Variants in UACA observed in about 807,000 individuals in gnomAD.
UACA encodes uveal autoantigen with coiled-coil domains and ankyrin repeats, also known as nuclear membrane binding protein.
UACA carries 112 observed loss-of-function variants against 160.5 expected under a neutral mutation model. That is an observed-to-expected ratio of 0.70 (90% confidence interval 0.60 to 0.82). UACA has a LOEUF of 0.82. UACA is among the 40% of genes least tolerant of loss of function. The pLI is 0.00. For missense variants in UACA, 1,574 were observed against 1,614.6 expected, an observed-to-expected ratio of 0.97 and a Z score of 0.43; for synonymous variants, 557 against 568.4, an observed-to-expected ratio of 0.98 and a Z score of 0.29.
chr15:70,778,656 T>A, the UACA span: 3 of 152,244 alleles, frequency 2.0e-5, no homozygotes, highest in African/African-American at 7.2e-5. Context: ...AAGACCCCTC[T>A]GCCCTGTATA....
Position 70,667,636 on chromosome 15 carries a change from A to T in UACA, c.3048T>A (p.Tyr1016Ter). ...TCTTGACTTCTTCTTCACTGACACT[A>T]TACTTTTGTGTCTGCTCTGATAACT... ...KDQLSEQTQKYSVSEEEVKKN... is the reference protein window; with the variant it reads ...KDQLSEQTQK Residue 1016 changes from tyrosine (Y) to a stop codon, truncating the protein, a stop_gained, in exon 16 of 19, where the codon TAT becomes TAA. Transcript: ENST00000322954. LOFTEE classifies it high-confidence loss of function. The T allele has an allele frequency of 6.2e-7, 1 of 1,612,866 alleles. No homozygotes were observed. Among genetic ancestry groups the T allele is most frequent in the Non-Finnish European group, 8.5e-7 (1 of 1,179,972 alleles).
intron 3 of UACA, among the ~76,000 whole-genome samples, chr15:70,692,725 T>C (rs1457155140): frequency 8.5e-5 from 13 of 152,152 alleles, no homozygotes; most frequent in Non-Finnish European, 1.5e-5. Context: ...GCCATGATTA[T>C]GCCACCACAC....
chr15:70,680,585 T>C (rs1447849334), intron 9 of UACA, among the ~76,000 whole-genome samples: 3 of 152,186 alleles, frequency 2.0e-5, no homozygotes, highest in Non-Finnish European at 4.4e-5. Flanking sequence ...CCTCATTCCT[T>C]CTACCAAAGG....
intron 1 of UACA, among the ~76,000 whole-genome samples, chr15:70,745,616 A>C (rs1379127764): frequency 6.6e-6 from 1 of 152,162 alleles, no homozygotes; most frequent in Admixed American, 6.5e-5. Context: ...AACTACTTTA[A>C]ATTTCATATG....
At chr15:70,774,368 A>C in the UACA span, among the ~76,000 whole-genome samples, 1 of 151,980 alleles carries the variant, frequency 6.6e-6, no homozygotes, top group South Asian at 2.1e-4. Flanking sequence ...AACATGGTGA[A>C]ACCCCGTCTC....
chr15:70,760,676 G>C (rs970085705), intron 1 of UACA, among the ~76,000 whole-genome samples: 1 of 151,940 alleles, frequency 6.6e-6, no homozygotes, highest in Non-Finnish European at 1.5e-5. Context: ...GCGTGGTGGT[G>C]CACGCCTGTA....
At chr15:70,710,819 A>G (rs1330154232) in intron 1 of UACA, among the ~76,000 whole-genome samples, 3 of 152,210 alleles carry the variant, frequency 2.0e-5, no homozygotes, top group Non-Finnish European at 4.4e-5. Context: ...GTGCCTCCAC[A>G]TGTTCAGCAA....
At chr15:70,679,110 A>C (rs917310888) in intron 10 of UACA, among the ~76,000 whole-genome samples, 11 of 152,170 alleles carry the variant, frequency 7.2e-5, no homozygotes, top group African/African-American at 2.7e-4. Context: ...TTCTTAAAGA[A>C]GAGATTAGGC....
chr15:70,664,600 A>G, intron 17 of UACA, 62 bp downstream of exon 17: 1 of 1,528,618 alleles, frequency 6.5e-7, no homozygotes, highest in South Asian at 1.3e-5. Flanking sequence ...AATGAGCCTT[A>G]CAAACTAACT....
intron 9 of UACA, among the ~76,000 whole-genome samples, chr15:70,680,626 T>G (rs1008027250): frequency 6.6e-6 from 1 of 152,224 alleles, no homozygotes; most frequent in African/African-American, 2.4e-5. Flanking sequence ...TGACATCTTC[T>G]CACAGCTCAC....
intron 1 of UACA, among the ~76,000 whole-genome samples, chr15:70,729,355 TA>T (rs1204110458): frequency 7.2e-5 from 11 of 151,984 alleles, no homozygotes; most frequent in Non-Finnish European, 1.3e-4. Flanking sequence ...TACTTAGCCA[TA>T]AAAAAAGAAT....
At chr15:70,754,647 A>G (rs2030307345) in intron 1 of UACA, among the ~76,000 whole-genome samples, 1 of 152,240 alleles carries the variant, frequency 6.6e-6, no homozygotes, top group African/African-American at 2.4e-5. Flanking sequence ...CAGCTACATC[A>G]GTTCATCTTC....
At position 70,671,055 on chromosome 15, in the gene UACA, T is replaced by A; in HGVS notation, c.1205A>T (p.Tyr402Phe). The A allele has an allele frequency of 6.3e-7, 1 of 1,579,622 alleles. No individual in the cohort carries two copies. Among genetic ancestry groups the A allele is most frequent in the Non-Finnish European group, 8.6e-7 (1 of 1,164,572 alleles). ...EDMLLKQGQM[Y>F]MADSQCTSPG... ...AGTTATTACCTGTGAGTCTGCCATA[T>A]ACATCTGACCTTGTTTAAGAAGCAT... Residue 402 changes from tyrosine (Y) to phenylalanine (F), a missense_variant, in exon 15 of 19, where the codon TAT becomes TTT. Coordinates refer to ENST00000322954, the MANE Select transcript of UACA (RefSeq NM_018003.4).
Position 70,690,460 on chromosome 15 carries a change from C to A in UACA, c.418G>T (p.Asp140Tyr). Reference sequence around the variant, plus strand: ...AAGGGAAACCACTGCTCACCGGCATCGTGAAGTGCAGTTCTTCCCTGCAGG... The same window carrying A: ...AAGGGAAACCACTGCTCACCGGCATAGTGAAGTGCAGTTCTTCCCTGCAGG... ...ADLQGRTALH[D>Y]AAMADCPSSI... Residue 140 changes from aspartate to tyrosine, a missense_variant, in exon 5 of 19, where the codon GAT (aspartate) becomes TAT (tyrosine). Physicochemically the swap from Asp to Tyr is radical, Grantham distance 160. Coordinates refer to ENST00000322954, the MANE Select transcript of UACA (RefSeq NM_018003.4). The A allele has an allele frequency of 6.2e-7, 1 of 1,612,658 alleles. No individual in the cohort carries two copies. The highest frequency in any genetic ancestry group is 8.5e-7 in the Non-Finnish European group (1 of 1,179,342).
chr15:70,728,601 C>A (rs565570993), intron 1 of UACA, among the ~76,000 whole-genome samples: 4 of 148,956 alleles, frequency 2.7e-5, no homozygotes, highest in African/African-American at 7.4e-5. Context: ...AGAAAAAAAA[C>A]CTAGGAAATA....
chr15:70,696,296 T>G (rs1298973530), intron 2 of UACA, among the ~76,000 whole-genome samples: 3 of 152,222 alleles, frequency 2.0e-5, no homozygotes, highest in African/African-American at 7.2e-5. Flanking sequence ...ACTTTCTTTA[T>G]AGTCTATCAA....
chr15:70,657,520 G>A (rs1415619091), intron 18 of UACA, among the ~76,000 whole-genome samples: 4 of 152,106 alleles, frequency 2.6e-5, no homozygotes, highest in Non-Finnish European at 5.9e-5. Flanking sequence ...GCTGGAACCT[G>A]GGAGGCAGAG....
intron 2 of UACA, among the ~76,000 whole-genome samples, chr15:70,699,119 C>T (rs1385796937): frequency 2.6e-5 from 4 of 152,142 alleles, no homozygotes; most frequent in Admixed American, 2.6e-4. Flanking sequence ...TTCGAAGACA[C>T]AAAGCTTGGG....
intron 13 of UACA, 96 bp from the exon 14 acceptor site, chr15:70,672,097 C>G (rs972497966): frequency 3.4e-5 from 37 of 1,088,668 alleles, no homozygotes; most frequent in Non-Finnish European, 4.7e-5. Flanking sequence ...GTCATTAAAA[C>G]TACATTTTTG....
Sources: allele counts gnomAD v4.1 joint callset (sites outside exome capture counted in the v4.1 genomes callset), GRCh38; gene constraint gnomAD v4.1.1; transcripts MANE v1.5; gene names NCBI Gene and HGNC (gene_info 2026-07-23, HGNC 2026-07-21).